The following ANKS1B variants were observed in gnomAD, a reference collection of about 807,000 sequenced individuals.
The protein encoded by ANKS1B is ankyrin repeat and sterile alpha motif domain-containing protein 1B.
ANKS1B carries 36 observed loss-of-function variants against 148.3 expected under a neutral mutation model. The ratio of observed to expected loss-of-function variants is 0.24; its 90% CI spans 0.19 to 0.32. ANKS1B has a LOEUF of 0.32. Among genes scored for constraint, ANKS1B ranks in the 10% least tolerant of loss-of-function variants. ANKS1B has a pLI of 1.00. For missense variants in ANKS1B, 1,157 were observed against 1,542.6 expected, an observed-to-expected ratio of 0.75 and a Z score of 4.19; for synonymous variants, 542 against 560.8, an observed-to-expected ratio of 0.97 and a Z score of 0.47.
At chr12:99,117,182 C>T (rs187171173) in intron 15 of ANKS1B, among the ~76,000 whole-genome samples, 324 of 152,276 alleles carry the variant, frequency 2.1e-3, no homozygotes, top group Middle Eastern at 0.014. Flanking sequence ...TATCTGAATA[C>T]GCTTTATTTC....
chr12:99,367,959 A>C (rs1461460111), intron 12 of ANKS1B, among the ~76,000 whole-genome samples: 1 of 152,208 alleles, frequency 6.6e-6, no homozygotes, highest in Admixed American at 6.5e-5. Flanking sequence ...TTTACAAATG[A>C]AAATAGAAAA....
chr12:98,954,803 T>G (rs2099859667), intron 17 of ANKS1B, among the ~76,000 whole-genome samples: 1 of 152,184 alleles, frequency 6.6e-6, no homozygotes, highest in Non-Finnish European at 1.5e-5. Context: ...CTTAACTTTC[T>G]TCATGGAAAT....
chr12:99,560,840 CTTTTTTTTTTTTTTTT>C (rs58588885), intron 9 of ANKS1B, among the ~76,000 whole-genome samples: 1 of 71,928 alleles, frequency 1.4e-5, no homozygotes, highest in Admixed American at 1.9e-4. Context: ...TTTCTTTTTT[CTTTTTTTTTTTTTTTT>C]TTTTTTTTGA....
In ANKS1B at chr12:99,060,196, CA is replaced by C. The variant is rs1485804832; in HGVS notation, c.2626-6888del. Among the ~76,000 whole-genome samples the C allele has an allele frequency of 5.6e-5, 8 of 142,890 alleles. No individual in the cohort carries two copies. In the East Asian group the frequency reaches 6.4e-4, roughly 11 times the overall value. The allele number at this position is 142,890 out of a possible 152,430, so 93.7% of individuals were successfully genotyped here. A position where few individuals can be genotyped will look rare whatever the true frequency, so the allele number is the denominator to read the frequency against. On this transcript the variant is annotated intron_variant, in intron 16 of 26. Coordinates refer to ENST00000683438, the MANE Select transcript of ANKS1B (RefSeq NM_001352186.2). ...TCTTGGGAAAATTGAGATATATTAA[CA>C]TATTTTTTTTTTGCCAAATGCCTTC...
intron 12 of ANKS1B, among the ~76,000 whole-genome samples, chr12:99,384,091 G>A (rs775349896): frequency 2.6e-5 from 4 of 152,092 alleles, no homozygotes; most frequent in African/African-American, 7.2e-5. Context: ...AGCTCAAAGA[G>A]AGCAGAGATT....
At chr12:99,562,760 T>A (rs2097350378) in intron 9 of ANKS1B, among the ~76,000 whole-genome samples, 1 of 152,216 alleles carries the variant, frequency 6.6e-6, no homozygotes, top group Non-Finnish European at 1.5e-5. Flanking sequence ...GTAACTGCTC[T>A]CATGATTCAA....
chr12:99,234,666 G>A (rs2087543755), intron 14 of ANKS1B, among the ~76,000 whole-genome samples: 1 of 151,854 alleles, frequency 6.6e-6, no homozygotes, highest in African/African-American at 2.4e-5. Context: ...TCCTCTATTA[G>A]TATTCTCATT....
At chr12:98,972,092 C>T (rs568489425) in intron 17 of ANKS1B, among the ~76,000 whole-genome samples, 22 of 152,290 alleles carry the variant, frequency 1.4e-4, no homozygotes, top group Admixed American at 1.2e-3. Context: ...TGCTTGAACC[C>T]AGGAGGCAGA....
intron 9 of ANKS1B, among the ~76,000 whole-genome samples, chr12:99,510,762 A>T (rs1961649): frequency 0.086 from 13,128 of 152,064 alleles, 807 homozygotes; most frequent in Non-Finnish European, 0.13. Flanking sequence ...TGTGAGTAAA[A>T]TGCTATCAAA....
chr12:99,619,639 C>T (rs1454943862), intron 9 of ANKS1B, among the ~76,000 whole-genome samples: 2 of 151,550 alleles, frequency 1.3e-5, no homozygotes, highest in Non-Finnish European at 2.9e-5. Context: ...TTCTGTGCTT[C>T]CTGTGCACAG....
At chr12:99,037,830 T>C (rs752789156) in intron 17 of ANKS1B, among the ~76,000 whole-genome samples, 10 of 152,182 alleles carry the variant, frequency 6.6e-5, no homozygotes, top group Admixed American at 1.3e-4. Flanking sequence ...AATCATTATG[T>C]GTGAAGCCTG....
At chr12:98,803,234 C>T (rs1222046138) in intron 20 of ANKS1B, among the ~76,000 whole-genome samples, 2 of 151,970 alleles carry the variant, frequency 1.3e-5, no homozygotes. Context: ...ACGTGGATTT[C>T]AATATCATTT....
At chr12:99,944,032 TC>T (rs902601594) in intron 1 of ANKS1B, among the ~76,000 whole-genome samples, 2 of 151,698 alleles carry the variant, frequency 1.3e-5, no homozygotes, top group African/African-American at 2.4e-5. Flanking sequence ...CAACTCCTGC[TC>T]CTTCTCCTAT....
intron 17 of ANKS1B, chr12:98,976,441 A>G (rs1404035167): frequency 2.0e-5 from 3 of 152,314 alleles, no homozygotes; most frequent in African/African-American, 7.2e-5. Context: ...AGTGAAAGAT[A>G]TTCACTTTTA....
intron 1 of ANKS1B, among the ~76,000 whole-genome samples, chr12:99,909,508 C>A (rs2093923948): frequency 1.3e-5 from 2 of 152,228 alleles, no homozygotes; most frequent in East Asian, 3.9e-4. Flanking sequence ...AATTTACATA[C>A]AAAAGTTTCC....
At chr12:99,211,247 T>C (rs1216902748) in intron 14 of ANKS1B, among the ~76,000 whole-genome samples, 2 of 152,068 alleles carry the variant, frequency 1.3e-5, no homozygotes, top group Non-Finnish European at 2.9e-5. Flanking sequence ...ACAGACCCAA[T>C]TAAAATGGAG....
chr12:99,920,009 C>G (rs143363557), intron 1 of ANKS1B, among the ~76,000 whole-genome samples: 1 of 152,094 alleles, frequency 6.6e-6, no homozygotes, highest in Non-Finnish European at 1.5e-5. Flanking sequence ...CTGGACAGCA[C>G]TAATGTGAGG....
intron 10 of ANKS1B, among the ~76,000 whole-genome samples, chr12:99,470,456 C>A (rs1030136311): frequency 5.9e-5 from 9 of 152,086 alleles, no homozygotes; most frequent in African/African-American, 2.2e-4. Context: ...TATCACACTT[C>A]AATCTAAATG....
At chr12:98,890,073 T>C (rs537793794) in intron 17 of ANKS1B, among the ~76,000 whole-genome samples, 1 of 152,314 alleles carries the variant, frequency 6.6e-6, no homozygotes, top group Admixed American at 6.5e-5. Flanking sequence ...TTCCTCCTGC[T>C]AGCTACTAGG....
Sources: allele counts gnomAD v4.1 joint callset (sites outside exome capture counted in the v4.1 genomes callset), GRCh38; gene constraint gnomAD v4.1.1; transcripts MANE v1.5; gene names NCBI Gene and HGNC (gene_info 2026-07-23, HGNC 2026-07-21).